Variants in ELAVL2 observed in about 807,000 individuals in gnomAD.
ELAVL2 encodes the protein ELAV like RNA binding protein 2.
ELAVL2 carries 4 observed loss-of-function variants against 34.6 expected under a neutral mutation model. The observed-to-expected ratio is 0.12, with a 90% CI of 0.06 to 0.26. The LOEUF is 0.26. ELAVL2 is among the 10% of genes least tolerant of loss of function. The probability of loss-of-function intolerance (pLI) is 1.00; values close to 1 mark genes in which losing one functional copy is unlikely to be tolerated. For missense variants in ELAVL2, 432 were observed against 442.8 expected, an observed-to-expected ratio of 0.98 and a Z score of 0.22; for synonymous variants, 193 against 154.8, an observed-to-expected ratio of 1.25 and a Z score of -1.83.
intron 1 of ELAVL2, among the ~76,000 whole-genome samples, chr9:23,774,198 C>T (rs866280342): frequency 1.9e-5 from 2 of 107,348 alleles, no homozygotes; most frequent in East Asian, 2.9e-4. Flanking sequence ...GGCAAAAGTG[C>T]GAGAGACTCC....
At chr9:23,730,339 GA>G (rs904313417) in intron 3 of ELAVL2, among the ~76,000 whole-genome samples, 2 of 152,030 alleles carry the variant, frequency 1.3e-5, no homozygotes, top group African/African-American at 4.8e-5. Flanking sequence ...AAAAACAACA[GA>G]AAAAATAACC....
intron 3 of ELAVL2, among the ~76,000 whole-genome samples, chr9:23,713,545 A>G (rs918248299): frequency 6.6e-6 from 1 of 152,184 alleles, no homozygotes. Context: ...CGTAACCACC[A>G]AAGAGTCTAT....
At chr9:23,719,152 C>A (rs1414782745) in intron 3 of ELAVL2, among the ~76,000 whole-genome samples, 2 of 152,174 alleles carry the variant, frequency 1.3e-5, no homozygotes, top group African/African-American at 4.8e-5. Context: ...TCTCCTGCTT[C>A]AGATCTCCAG....
intron 1 of ELAVL2, among the ~76,000 whole-genome samples, chr9:23,793,925 C>G (rs539531446): frequency 1.1e-4 from 17 of 152,288 alleles, no homozygotes; most frequent in African/African-American, 4.1e-4. Flanking sequence ...AAACAGTCCT[C>G]CAAGAGCTCT....
At chr9:23,766,898 A>G (rs16907710) in intron 1 of ELAVL2, among the ~76,000 whole-genome samples, 6,630 of 152,246 alleles carry the variant, frequency 0.044, 215 homozygotes, top group Middle Eastern at 0.15. Context: ...CTCTTCGGAA[A>G]GAAAAAAAAG....
Position 23,762,126 on chromosome 9 carries a change from T to C in ELAVL2, c.109A>G (p.Ser37Gly). 2 of 1,613,670 alleles carry C rather than the reference T, an allele frequency of 1.2e-6. No individual in the cohort carries two copies. The highest frequency in any genetic ancestry group is 1.1e-5 in the South Asian group (1 of 91,074). ...SPVDSGNTEDSKTNLIVNYLP... is the reference protein window; with the variant it reads ...SPVDSGNTEDGKTNLIVNYLP... The stretch of plus-strand genomic sequence containing the variant: ...TAGTTGACTATTAAGTTGGTCTTGC[T>C]GTCTTCTGTGTTCCCAGAGTCAACT... The change falls in exon 2 of 7, where the codon AGC becomes GGC. Residue 37 changes from serine (S) to glycine (G), a missense_variant. This residue lies in a region of ELAVL2 where 132 missense variants were observed against 118.3 expected (regional missense o/e 1.12). Coordinates refer to ENST00000397312, the MANE Select transcript of ELAVL2 (RefSeq NM_004432.5).
chr9:23,796,953 A>G (rs181550408), intron 1 of ELAVL2, among the ~76,000 whole-genome samples: 52 of 151,008 alleles, frequency 3.4e-4, no homozygotes, highest in African/African-American at 1.2e-3. Context: ...ATAGCTAACT[A>G]TAAAGAATGA....
chr9:23,697,218 G>T (rs1287610336), intron 5 of ELAVL2, among the ~76,000 whole-genome samples: 2 of 152,150 alleles, frequency 1.3e-5, no homozygotes, highest in Non-Finnish European at 2.9e-5. Flanking sequence ...TACTACAAAT[G>T]TAAATCAGAG....
intron 2 of ELAVL2, among the ~76,000 whole-genome samples, chr9:23,752,936 C>T (rs914770949): frequency 2.0e-5 from 3 of 152,104 alleles, no homozygotes; most frequent in South Asian, 2.1e-4. Flanking sequence ...GTTTTAACTG[C>T]GAATCTGTTT....
chr9:23,707,924 G>A (rs1181404239), intron 3 of ELAVL2, among the ~76,000 whole-genome samples: 1 of 152,154 alleles, frequency 6.6e-6, no homozygotes, highest in Non-Finnish European at 1.5e-5. Flanking sequence ...TCACTGCTTT[G>A]TGCAATTCAG....
At chr9:23,769,828 A>T (rs368207249) in intron 1 of ELAVL2, among the ~76,000 whole-genome samples, 1 of 152,326 alleles carries the variant, frequency 6.6e-6, no homozygotes, top group African/African-American at 2.4e-5. Flanking sequence ...TTCTACGGAC[A>T]AAGTACACAG....
At chr9:23,728,397 T>C (rs1406600769) in intron 3 of ELAVL2, among the ~76,000 whole-genome samples, 3 of 152,186 alleles carry the variant, frequency 2.0e-5, no homozygotes, top group Non-Finnish European at 2.9e-5. Context: ...CAAAAGCATA[T>C]GCATGGACGC....
intron 1 of ELAVL2, among the ~76,000 whole-genome samples, chr9:23,813,414 T>TTTG (rs1175051127): frequency 4.7e-5 from 6 of 128,398 alleles, no homozygotes; most frequent in African/African-American, 1.3e-4. Flanking sequence ...CATATCGGCT[T>TTTG]TTTTTTTTTT....
At chr9:23,837,712 A>G in the ELAVL2 span, among the ~76,000 whole-genome samples, 7 of 152,222 alleles carry the variant, frequency 4.6e-5, no homozygotes, top group Admixed American at 2.6e-4. Flanking sequence ...AATACAACAG[A>G]AATTACAGAT....
intron 3 of ELAVL2, among the ~76,000 whole-genome samples, chr9:23,726,800 C>A (rs923873685): frequency 1.8e-5 from 2 of 109,020 alleles, no homozygotes; most frequent in African/African-American, 7.4e-5. Context: ...CATAAAAATT[C>A]CACATACTAT....
the ELAVL2 span, among the ~76,000 whole-genome samples, chr9:23,839,982 G>C: frequency 6.6e-6 from 1 of 152,074 alleles, no homozygotes; most frequent in Non-Finnish European, 1.5e-5. Context: ...ATAAAATACA[G>C]CTATACATTT....
At chr9:23,837,767 T>C in the ELAVL2 span, among the ~76,000 whole-genome samples, 1 of 152,164 alleles carries the variant, frequency 6.6e-6, no homozygotes, top group South Asian at 2.1e-4. Flanking sequence ...AAAACAGATA[T>C]TACGATGAAC....
chr9:23,723,397 A>C (rs933742672), intron 3 of ELAVL2, among the ~76,000 whole-genome samples: 1 of 151,980 alleles, frequency 6.6e-6, no homozygotes, highest in African/African-American at 2.4e-5. Context: ...CAGGAAGGGG[A>C]ACAACACACC....
intron 1 of ELAVL2, among the ~76,000 whole-genome samples, chr9:23,794,687 A>T (rs1387934648): frequency 6.6e-6 from 1 of 152,168 alleles, no homozygotes; most frequent in African/African-American, 2.4e-5. Flanking sequence ...TCAATCCTTA[A>T]TGTTTAGGAA....
Sources: gnomAD v4.1 joint callset for allele counts (sites outside exome capture counted in the v4.1 genomes callset) on GRCh38, gnomAD v4.1.1 for gene constraint, gnomAD v4.1.1 regional missense constraint, MANE v1.5 for transcripts, NCBI Gene and HGNC (gene_info 2026-07-23, HGNC 2026-07-21) for gene names.